XKR4: variants seen among roughly 807,000 people sequenced by gnomAD.
The protein encoded by XKR4 is XK-related protein 4.
Under a neutral mutation model 53.9 loss-of-function variants are expected in XKR4, and 12 were observed. The observed-to-expected ratio is 0.22, with a 90% CI of 0.14 to 0.36. The LOEUF (loss-of-function observed/expected upper bound fraction) is 0.36. Ranked by LOEUF, XKR4 falls within the 10% of genes least tolerant of loss-of-function variation. The pLI is 1.00. For missense variants in XKR4, 799 were observed against 859.5 expected (o/e 0.93, Z 0.88); for synonymous variants, 354 against 362.4 (o/e 0.98, Z 0.26).
At chr8:55,249,569 G>C (rs1468719912) in intron 1 of XKR4, among the ~76,000 whole-genome samples, 1 of 152,150 alleles carries the variant, frequency 6.6e-6, no homozygotes, top group Non-Finnish European at 1.5e-5. Flanking sequence ...GTTTCAAATT[G>C]TCATTCAAGT....
At position 55,103,184 on chromosome 8, in the gene XKR4, C is replaced by G; in HGVS notation, c.696C>G (p.Asn232Lys). ...SNIAAANSGS[N>K]SSGATRASGK... is the part of the protein sequence containing the mutation. ...TCGCCGCGGCCAACAGCGGCAGCAACAGCAGCGGGGCTACCCGGGCCAGTG... is the reference window on the plus strand; with the variant it reads ...TCGCCGCGGCCAACAGCGGCAGCAAGAGCAGCGGGGCTACCCGGGCCAGTG... Residue 232 changes from asparagine (N) to lysine (K), a missense_variant, in exon 1 of 3, where the codon AAC (asparagine) becomes AAG (lysine). Transcript: ENST00000327381. 1.1e-5 allele frequency: 18 copies of G among 1,614,074 alleles called. No individual in the cohort carries two copies. Among genetic ancestry groups the G allele is most frequent in the Non-Finnish European group, 1.4e-5 (17 of 1,180,048 alleles).
intron 2 of XKR4, among the ~76,000 whole-genome samples, chr8:55,384,114 G>A (rs560775315): frequency 3.7e-4 from 56 of 152,276 alleles, no homozygotes; most frequent in African/African-American, 1.1e-3. Context: ...AGGACTTTTC[G>A]AGAGAAGGAA....
chr8:55,228,290 G>C (rs1443132022), intron 1 of XKR4, among the ~76,000 whole-genome samples: 1 of 152,132 alleles, frequency 6.6e-6, no homozygotes, highest in Non-Finnish European at 1.5e-5. Flanking sequence ...GCATAGCTTT[G>C]AATATGGCAT....
chr8:55,317,061 C>T (rs909973933), intron 1 of XKR4, among the ~76,000 whole-genome samples: 1 of 152,106 alleles, frequency 6.6e-6, no homozygotes, highest in African/African-American at 2.4e-5. Context: ...CTCTACTACC[C>T]TCTAAAATAA....
chr8:55,142,153 G>C, intron 1 of XKR4: 1 of 456,098 alleles, frequency 2.2e-6, no homozygotes, highest in Non-Finnish European at 4.4e-6. Context: ...GGAGCCCACT[G>C]GCCTCACTGC....
intron 2 of XKR4, chr8:55,449,976 C>G: frequency 1.2e-6 from 1 of 829,626 alleles, no homozygotes; most frequent in Non-Finnish European, 2.1e-6. Flanking sequence ...CGGGTTCCTC[C>G]TGCAGGTACA....
rs1365972414 is a variant in XKR4, at chr8:55,534,107, G to C, written c.*9880G>C. On this transcript the variant is annotated 3_prime_UTR_variant, in exon 3 of 3. Transcript: ENST00000327381. ...ATAATTGATCTGTCTGAGTACAGTT[G>C]CTGCTTTTATTTCATTTCTTGAGAC... 1 of 152,130 alleles carries C rather than the reference G, an allele frequency of 6.6e-6. No homozygotes were observed. Among genetic ancestry groups the C allele is most frequent in the East Asian group, 1.9e-4 (1 of 5,190 alleles). 9.4% of individuals were successfully genotyped at this position (152,130 alleles called of 1,614,324 possible).
intron 1 of XKR4, among the ~76,000 whole-genome samples, chr8:55,324,996 A>C (rs1247900045): frequency 6.7e-6 from 1 of 149,064 alleles, no homozygotes; most frequent in Non-Finnish European, 1.5e-5. Flanking sequence ...ATTCAGTAAG[A>C]ATTAAGGATC....
intron 1 of XKR4, among the ~76,000 whole-genome samples, chr8:55,158,431 T>C (rs1301680159): frequency 6.6e-6 from 1 of 152,240 alleles, no homozygotes; most frequent in African/African-American, 2.4e-5. Flanking sequence ...TGCAAATATT[T>C]TCTCCATTCT....
chr8:55,151,524 G>C (rs754357725), intron 1 of XKR4, among the ~76,000 whole-genome samples: 10 of 152,072 alleles, frequency 6.6e-5, no homozygotes, highest in Non-Finnish European at 1.3e-4. Flanking sequence ...CAAATATCTA[G>C]CTATATGACA....
At chr8:55,317,563 T>C (rs1803110712) in intron 1 of XKR4, among the ~76,000 whole-genome samples, 1 of 152,226 alleles carries the variant, frequency 6.6e-6, no homozygotes, top group African/African-American at 2.4e-5. Context: ...CTCTGATTTA[T>C]TTATGGATAA....
At chr8:55,514,525 C>G (rs1484508596) in intron 2 of XKR4, among the ~76,000 whole-genome samples, 8 of 152,086 alleles carry the variant, frequency 5.3e-5, no homozygotes, top group Non-Finnish European at 8.8e-5. Context: ...CCAAAGCATG[C>G]TGGGATCATT....
At chr8:55,162,756 C>T (rs577363254) in intron 1 of XKR4, among the ~76,000 whole-genome samples, 2 of 152,068 alleles carry the variant, frequency 1.3e-5, no homozygotes, top group Non-Finnish European at 2.9e-5. Flanking sequence ...TTGAACTACC[C>T]TTTCAATATT....
intron 2 of XKR4, among the ~76,000 whole-genome samples, chr8:55,442,653 A>G (rs1410489567): frequency 1.3e-5 from 2 of 152,264 alleles, no homozygotes; most frequent in African/African-American, 4.8e-5. Flanking sequence ...TTAGAAAGGA[A>G]TGAAGTACTG....
At chr8:55,242,423 A>G (rs1368672964) in intron 1 of XKR4, among the ~76,000 whole-genome samples, 1 of 152,208 alleles carries the variant, frequency 6.6e-6, no homozygotes, top group East Asian at 1.9e-4. Context: ...GACAGACTGG[A>G]ACTCAGGATT....
intron 1 of XKR4, among the ~76,000 whole-genome samples, chr8:55,188,567 CTGAAG>C (rs1262506871): frequency 1.3e-5 from 2 of 152,186 alleles, no homozygotes; most frequent in Non-Finnish European, 2.9e-5. Context: ...GGAACGTTTT[CTGAAG>C]TGTCTCCTTT....
intron 2 of XKR4, among the ~76,000 whole-genome samples, chr8:55,503,235 T>C (rs1279142047): frequency 6.6e-6 from 1 of 152,184 alleles, no homozygotes; most frequent in Non-Finnish European, 1.5e-5. Context: ...AAAATGTCAT[T>C]GTGATAGGTA....
rs957194123 is a variant in XKR4, at chr8:55,116,420, A to G, written c.806+13126A>G. Among the ~76,000 whole-genome samples the G allele has an allele frequency of 3.3e-5, 5 of 152,180 alleles. No individual in the cohort carries two copies. In the East Asian group the frequency reaches 9.6e-4, roughly 29 times the overall value. On this transcript the variant is annotated intron_variant, in intron 1 of 2. Transcript: ENST00000327381. ...CTTCCCCTCCTCACAGTGACCCCTGAGGCCCACAAGGCACAGGTTTACTGT... is the reference window on the plus strand; with the variant it reads ...CTTCCCCTCCTCACAGTGACCCCTGGGGCCCACAAGGCACAGGTTTACTGT...
At chr8:55,229,459 TC>T (rs978950716) in intron 1 of XKR4, among the ~76,000 whole-genome samples, 8 of 152,240 alleles carry the variant, frequency 5.3e-5, no homozygotes, top group African/African-American at 1.7e-4. Flanking sequence ...ACTGGACTAT[TC>T]CGTGCAGGGC....
Sources: gnomAD v4.1 joint callset for allele counts (sites outside exome capture counted in the v4.1 genomes callset) on GRCh38, gnomAD v4.1.1 for gene constraint, MANE v1.5 for transcripts, NCBI Gene and HGNC (gene_info 2026-07-23, HGNC 2026-07-21) for gene names.